The following SSPN variants were observed in gnomAD, a reference collection of about 807,000 sequenced individuals.
The protein encoded by SSPN is K-ras oncogene-associated protein.
A neutral mutation model predicts 19.1 loss-of-function variants in SSPN; 15 were observed. The ratio of observed to expected loss-of-function variants is 0.78; its 90% confidence interval spans 0.52 to 1.21. The LOEUF is 1.21. Ranked by LOEUF, SSPN falls within the 50% of genes most tolerant of loss-of-function variation. SSPN has a pLI of 0.00. For missense variants in SSPN, 291 were observed against 314.0 expected, an observed-to-expected ratio of 0.93 and a Z score of 0.55; for synonymous variants, 147 against 140.3, an observed-to-expected ratio of 1.05 and a Z score of -0.34.
At chr12:26,162,659 C>G (rs1012135863) in intron 1 of SSPN, among the ~76,000 whole-genome samples, 1 of 152,124 alleles carries the variant, frequency 6.6e-6, no homozygotes, top group South Asian at 2.1e-4. Flanking sequence ...CTTCAAAACA[C>G]GGCATGCAAA....
At chr12:26,170,346 G>C (rs1416618154) in intron 1 of SSPN, among the ~76,000 whole-genome samples, 1 of 152,146 alleles carries the variant, frequency 6.6e-6, no homozygotes, top group Non-Finnish European at 1.5e-5. Flanking sequence ...GAATAAAGCG[G>C]AACTAAGAAA....
chr12:26,207,004 T>A (rs1028565098), intron 1 of SSPN, among the ~76,000 whole-genome samples: 1 of 152,102 alleles, frequency 6.6e-6, no homozygotes, highest in Non-Finnish European at 1.5e-5. Context: ...CAATTTAGTT[T>A]TAAAAACAAA....
chr12:26,160,678 TC>T (rs1237403721), intron 1 of SSPN, among the ~76,000 whole-genome samples: 1 of 152,222 alleles, frequency 6.6e-6, no homozygotes, highest in Non-Finnish European at 1.5e-5. Context: ...CACCCTAGTC[TC>T]CCTTATCTAC....
upstream of SSPN, among the ~76,000 whole-genome samples, chr12:26,194,677 G>A (rs2137454986): frequency 6.6e-6 from 1 of 152,304 alleles, no homozygotes; most frequent in Non-Finnish European, 1.5e-5. Flanking sequence ...AGCCAACAGA[G>A]CTTTTAAAAA....
chr12:26,181,837 G>C (rs1297691487), intron 1 of SSPN, among the ~76,000 whole-genome samples: 1 of 152,126 alleles, frequency 6.6e-6, no homozygotes, highest in African/African-American at 2.4e-5. Flanking sequence ...TTTAAGAAAT[G>C]GAAACGTATA....
intron 1 of SSPN, among the ~76,000 whole-genome samples, chr12:26,174,980 T>C (rs1355405446): frequency 2.0e-5 from 3 of 152,236 alleles, no homozygotes; most frequent in African/African-American, 7.2e-5. Flanking sequence ...AATCCAGCCA[T>C]GGGTTTGTTT....
intron 1 of SSPN, among the ~76,000 whole-genome samples, chr12:26,153,214 G>C (rs1266776467): frequency 6.6e-6 from 1 of 152,174 alleles, no homozygotes. Flanking sequence ...AAGTGCTGTA[G>C]TACACATTTC....
chr12:26,186,212 A>AC (rs996139311), intron 1 of SSPN, among the ~76,000 whole-genome samples: 9 of 151,816 alleles, frequency 5.9e-5, no homozygotes, highest in South Asian at 2.1e-4. Context: ...GTTAAAAAAA[A>AC]AACAACAACC....
chr12:26,145,019 C>T (rs1944481726), intron 1 of SSPN, among the ~76,000 whole-genome samples: 1 of 152,106 alleles, frequency 6.6e-6, no homozygotes, highest in Non-Finnish European at 1.5e-5. Context: ...ACGACTTCAC[C>T]CCACAACAAG....
chr12:26,201,035 ATATATATATAT>A (rs1430165807), intron 1 of SSPN, among the ~76,000 whole-genome samples: 1 of 56,220 alleles, frequency 1.8e-5, no homozygotes, highest in African/African-American at 6.7e-5. Flanking sequence ...ATATATATAT[ATATATATATAT>A]TATATATATA....
intron 1 of SSPN, among the ~76,000 whole-genome samples, chr12:26,222,745 G>A (rs1945135480): frequency 6.6e-6 from 1 of 152,210 alleles, no homozygotes; most frequent in South Asian, 2.1e-4. Flanking sequence ...TCTAGTTCAT[G>A]AAAAATAAAA....
chr12:26,208,018 T>TGGG lies in SSPN; in HGVS notation c.279+12076_279+12078dup, dbSNP rs57868336. Among the ~76,000 whole-genome samples, 259 of 134,762 alleles carry TGGG rather than the reference T, an allele frequency of 1.9e-3. 3 individuals carry two copies. The highest frequency in any genetic ancestry group is 3.6e-3 in the Middle Eastern group (1 of 278). 88.4% of individuals were successfully genotyped at this position (134,762 alleles called of 152,430 possible). A position where few individuals can be genotyped will look rare whatever the true frequency, so the allele number is the denominator to read the frequency against. ...CTGTCTCAAAAGAAAGTGGTGGTGG[T>TGGG]GGGGGGGGGGGATATATAACAGTTA... On this transcript the variant is annotated intron_variant, in intron 1 of 2. Coordinates refer to ENST00000242729, the MANE Select transcript of SSPN (RefSeq NM_005086.5).
At chr12:26,225,491 G>A (rs1235961505) in intron 2 of SSPN, among the ~76,000 whole-genome samples, 1 of 151,978 alleles carries the variant, frequency 6.6e-6, no homozygotes, top group Non-Finnish European at 1.5e-5. Context: ...ATGAGTGGTG[G>A]GATTATATTT....
chr12:26,194,728 T>G (rs1037680122), upstream of SSPN, among the ~76,000 whole-genome samples: 3 of 152,334 alleles, frequency 2.0e-5, no homozygotes, highest in South Asian at 2.1e-4. Flanking sequence ...GGCTCACGCC[T>G]GTAATTCCAG....
chr12:26,200,321 T>C (rs1944866446), intron 1 of SSPN, among the ~76,000 whole-genome samples: 1 of 152,246 alleles, frequency 6.6e-6, no homozygotes, highest in South Asian at 2.1e-4. Context: ...TTAAAAGTCA[T>C]GTCAAAAATT....
intron 1 of SSPN, among the ~76,000 whole-genome samples, chr12:26,154,154 GA>G (rs1207579404): frequency 3.3e-5 from 5 of 152,192 alleles, no homozygotes; most frequent in Admixed American, 6.5e-5. Context: ...AAGGTACTAT[GA>G]AAAGGCCCAT....
chr12:26,145,840 C>T (rs1004806341), intron 1 of SSPN, among the ~76,000 whole-genome samples: 1 of 152,168 alleles, frequency 6.6e-6, no homozygotes, highest in African/African-American at 2.4e-5. Flanking sequence ...CATAACAAGA[C>T]TCCTCATGCC....
intron 1 of SSPN, among the ~76,000 whole-genome samples, chr12:26,151,205 A>G (rs1591851123): frequency 6.7e-6 from 1 of 148,412 alleles, no homozygotes; most frequent in Non-Finnish European, 1.5e-5. Context: ...GAAAAAAAAA[A>G]TTGTGCTATA....
chr12:26,195,837 G>C lies in SSPN; in HGVS notation c.165G>C (p.Leu55=). The part of the protein sequence containing the change: ...RTCCGCRFPL[L]LALLQLALGI... ...GCTGCGGCTGCCGGTTCCCGCTGCTGCTCGCCCTGCTGCAGCTGGCCCTGG... is the reference window on the plus strand; with the variant it reads ...GCTGCGGCTGCCGGTTCCCGCTGCTCCTCGCCCTGCTGCAGCTGGCCCTGG... The change falls in exon 1 of 3, where the codon CTG becomes CTC. Residue 55 remains leucine, a synonymous_variant. Transcript: ENST00000242729. 6.5e-7 allele frequency: 1 copy of C among 1,540,922 alleles called. No individual in the cohort carries two copies. Among genetic ancestry groups the C allele is most frequent in the Non-Finnish European group, 8.7e-7 (1 of 1,147,634 alleles).
Sources: gnomAD v4.1 joint callset for allele counts (sites outside exome capture counted in the v4.1 genomes callset) on GRCh38, gnomAD v4.1.1 for gene constraint, MANE v1.5 for transcripts, NCBI Gene and HGNC (gene_info 2026-07-23, HGNC 2026-07-21) for gene names.